GAREM2: variants seen among roughly 807,000 people sequenced by gnomAD.
GAREM2 encodes the protein GRB2-associated and regulator of MAPK protein 2.
A neutral mutation model predicts 55.6 loss-of-function variants in GAREM2; 30 were observed. The observed-to-expected ratio is 0.54, with a 90% confidence interval of 0.40 to 0.73. The LOEUF (loss-of-function observed/expected upper bound fraction) is 0.73. GAREM2 is among the 30% of genes least tolerant of loss of function. GAREM2 has a pLI of 0.00. For missense variants in GAREM2, 1,075 were observed against 1,257.7 expected, an observed-to-expected ratio of 0.85 and a Z score of 2.20; for synonymous variants, 550 against 569.1, an observed-to-expected ratio of 0.97 and a Z score of 0.48.
At position 26,187,683 on chromosome 2, in the gene GAREM2, C is replaced by T. The variant is rs1285626911; in HGVS notation, c.2051C>T (p.Ala684Val). 2 of 1,503,658 alleles carry T rather than the reference C, an allele frequency of 1.3e-6. No homozygotes were observed. The highest frequency in any genetic ancestry group is 2.3e-5 in the Admixed American group (1 of 43,082). 93.1% of individuals were successfully genotyped at this position (1,503,658 alleles called of 1,614,324 possible). Residue 684 changes from alanine to valine, a missense_variant, in exon 6 of 6, where the codon GCC (alanine) becomes GTC (valine). Physicochemically the swap from Ala to Val is moderately conservative, Grantham distance 64 (BLOSUM62 0). Coordinates refer to ENST00000401533, the MANE Select transcript of GAREM2 (RefSeq NM_001168241.2). ...TCAGCTGCTCCCCCCTCCTCCTGCG[C>T]CCCCTCCTCCTCCTCTTCTTCTGAA... is the stretch of plus-strand genomic sequence containing the variant. ...AYSAAPPSSCAPSSSSSSEWQ... is the reference protein window; with the variant it reads ...AYSAAPPSSCVPSSSSSSEWQ...
In GAREM2 at chr2:26,188,170, G is replaced by A; in HGVS notation, c.2538G>A (p.Glu846=). 6.5e-7 allele frequency: 1 copy of A among 1,549,106 alleles called. No homozygotes were observed. Among genetic ancestry groups the A allele is most frequent in the Non-Finnish European group, 8.7e-7 (1 of 1,145,428 alleles). ...IDGSIFVQLS[E]DILADDFHLT... ...GTAGCATCTTTGTGCAGCTCAGTGA[G>A]GACATCCTGGCAGATGACTTCCACC... is the stretch of plus-strand genomic sequence containing the variant. Residue 846 remains glutamate (E), a synonymous_variant, in exon 6 of 6, where the codon GAG becomes GAA. Coordinates refer to ENST00000401533, the MANE Select transcript of GAREM2 (RefSeq NM_001168241.2).
At chr2:26,192,394 T>TA, downstream of GAREM2, 1 of 1,605,598 alleles carries the variant, frequency 6.2e-7, no homozygotes, top group Non-Finnish European at 8.5e-7. Context: ...ACCCTCCTGA[T>TA]AGATGTAAAA....
chr2:26,173,408 C>A, intron 1 of GAREM2, 76 bp downstream of exon 1: 1 of 799,398 alleles, frequency 1.3e-6, no homozygotes, highest in African/African-American at 1.8e-5. Flanking sequence ...CCAGAGGGAT[C>A]GTGAGGAGGG....
intron 2 of GAREM2, chr2:26,182,340 G>A (rs1202610150): frequency 1.3e-6 from 2 of 1,499,218 alleles, no homozygotes; most frequent in East Asian, 2.5e-5. Flanking sequence ...GGGAGAGTAG[G>A]ATTGGATATT....
intron 4 of GAREM2, among the ~76,000 whole-genome samples, chr2:26,185,764 C>T (rs1669231530): frequency 6.6e-6 from 1 of 152,184 alleles, no homozygotes; most frequent in Non-Finnish European, 1.5e-5. Flanking sequence ...GTCAGCATCC[C>T]ATGGAGTCCT....
chr2:26,190,202 T>TACA (rs1260515863), downstream of GAREM2, among the ~76,000 whole-genome samples: 1 of 152,170 alleles, frequency 6.6e-6, no homozygotes, highest in African/African-American at 2.4e-5. Flanking sequence ...ATATTTGAAG[T>TACA]ACAACTGGAG....
At chr2:26,203,862 C>A in the GAREM2 span, among the ~76,000 whole-genome samples, 1 of 152,118 alleles carries the variant, frequency 6.6e-6, no homozygotes, top group Non-Finnish European at 1.5e-5. Flanking sequence ...AAAACGAAGT[C>A]AAAGAAGGAA....
downstream of GAREM2, chr2:26,194,443 G>A (rs989337768): frequency 1.4e-6 from 1 of 736,924 alleles, no homozygotes; most frequent in Admixed American, 2.0e-5. Context: ...GGGCACCAGG[G>A]ACCTTCCTAG....
At chr2:26,195,833 C>T in the GAREM2 span, among the ~76,000 whole-genome samples, 1 of 152,188 alleles carries the variant, frequency 6.6e-6, no homozygotes, top group Non-Finnish European at 1.5e-5. Context: ...CCCAGCCCTA[C>T]TGAATCAGAA....
the GAREM2 span, among the ~76,000 whole-genome samples, chr2:26,197,204 G>C: frequency 6.6e-6 from 1 of 152,194 alleles, no homozygotes; most frequent in East Asian, 1.9e-4. Flanking sequence ...ATAAATTTCT[G>C]GGCATCATTC....
chr2:26,197,739 A>G, the GAREM2 span: 1 of 1,562,712 alleles, frequency 6.4e-7, no homozygotes. Flanking sequence ...TTGGGAGAGC[A>G]GATGTGTTAC....
In GAREM2 at chr2:26,184,599, G is replaced by A. The variant is rs1340794860; in HGVS notation, c.751G>A (p.Glu251Lys). Reference protein sequence around the residue: ...SPLELQMQEGEHTVRAIIERV... With the variant: ...SPLELQMQEGKHTVRAIIERV... ...GCTGGAGCTGCAGATGCAAGAGGGC[G>A]AGCACACGGTGCGCGCCATCATCGA... Residue 251 changes from glutamate (E) to lysine (K), a missense_variant, in exon 4 of 6, where the codon GAG becomes AAG. Around this residue, in one of 6 missense-constraint regions of GAREM2, gnomAD observed 170 missense variants for 220.7 expected, o/e 0.77. Coordinates refer to ENST00000401533, the MANE Select transcript of GAREM2 (RefSeq NM_001168241.2). The A allele has an allele frequency of 6.5e-7, 1 of 1,548,498 alleles. No individual in the cohort carries two copies. The highest frequency in any genetic ancestry group is 8.7e-7 in the Non-Finnish European group (1 of 1,146,212).
chr2:26,194,837 T>C, the GAREM2 span, among the ~76,000 whole-genome samples: 1 of 151,946 alleles, frequency 6.6e-6, no homozygotes, highest in Non-Finnish European at 1.5e-5. Context: ...AATCAAACAG[T>C]ACAGCAGATA....
In GAREM2 at chr2:26,185,012, CG is replaced by C. The variant is rs1226843620; in HGVS notation, c.1167del (p.Leu390SerfsTer8). ...RLCLPAPRAP[G>X]LARAPGPLAP... is the part of the protein sequence containing the mutation. ...TCTGCCTGCCCGCGCCGCGCGCCCC[CG>C]GGCTCGCCCGCGCCCCCGGCCCGCT... On this transcript the variant is annotated frameshift_variant, in exon 4 of 6. Coordinates refer to ENST00000401533, the MANE Select transcript of GAREM2 (RefSeq NM_001168241.2). LOFTEE classifies it high-confidence loss of function. The C allele has an allele frequency of 9.1e-7, 1 of 1,098,020 alleles. No homozygotes were observed. The highest frequency in any genetic ancestry group is 1.7e-5 in the African/African-American group (1 of 59,634). 68.0% of individuals were successfully genotyped at this position (1,098,020 alleles called of 1,614,324 possible).
At chr2:26,191,301 G>T (rs768855989), downstream of GAREM2, 2 of 1,613,306 alleles carry the variant, frequency 1.2e-6, no homozygotes, top group Admixed American at 3.3e-5. Flanking sequence ...CTAGCAGCTG[G>T]CATGGGGTGA....
rs181971256 is a variant in GAREM2, at chr2:26,185,068, A to G, written c.1220A>G (p.Gln407Arg). 0.11 allele frequency: 138,020 copies of G among 1,298,738 alleles called. 8,188 individuals carry two copies. The highest frequency in any genetic ancestry group is 0.12 in the Non-Finnish European group (123,009 of 1,025,172). The allele number at this position is 1,298,738 out of a possible 1,614,324, so 80.5% of individuals were successfully genotyped here. ...CCGGCTCCCGCCGGCGAGGGCGACC[A>G]GGAGTACGTGAGCCCCGACTGGGCA... ...LAPAPAGEGD[Q>R]EYVSPDWAAA... is the part of the protein sequence containing the mutation. Residue 407 changes from glutamine to arginine, a missense_variant, in exon 4 of 6, where the codon CAG (glutamine) becomes CGG (arginine). Around this residue, in one of 6 missense-constraint regions of GAREM2, gnomAD observed 515 missense variants for 501.5 expected, o/e 1.03. Coordinates refer to ENST00000401533, the MANE Select transcript of GAREM2 (RefSeq NM_001168241.2).
intron 1 of GAREM2, 60 bp downstream of exon 1, chr2:26,173,392 C>T: frequency 1.0e-6 from 1 of 1,004,718 alleles, no homozygotes; most frequent in Non-Finnish European, 1.3e-6. Flanking sequence ...GCTCTCCAGC[C>T]AGGGGCCAGA....
Position 26,185,156 on chromosome 2 carries a change from G to A in GAREM2, c.1308G>A (p.Gln436=), listed in dbSNP as rs1400773418. 1.3e-6 allele frequency: 2 copies of A among 1,503,356 alleles called. No homozygotes were observed. Among genetic ancestry groups the A allele is most frequent in the South Asian group, 1.2e-5 (1 of 81,516 alleles). The allele number at this position is 1,503,356 out of a possible 1,614,324, so 93.1% of individuals were successfully genotyped here. A position where few individuals can be genotyped will look rare whatever the true frequency, so the allele number is the denominator to read the frequency against. The stretch of plus-strand genomic sequence containing the variant: ...CCTACGAGGAGTTGTGGGCGCACCA[G>A]GGGCCCGAGGGCCTCGTCCGGCCGC... ...EIPYEELWAH[Q]GPEGLVRPPP... Residue 436 remains glutamine, a synonymous_variant, in exon 4 of 6, where the codon CAG becomes CAA. Transcript: ENST00000401533.
At position 26,188,094 on chromosome 2, in the gene GAREM2, T is replaced by G; in HGVS notation, c.2462T>G (p.Ile821Ser). The G allele has an allele frequency of 1.3e-6, 2 of 1,550,528 alleles. No homozygotes were observed. The highest frequency in any genetic ancestry group is 1.7e-6 in the Non-Finnish European group (2 of 1,146,328). ...GAGGTCTCTCGCAGTCTGCGTTTCA[T>G]CGGGCTCTCAGAGGATGTGGTGAGC... Reference protein sequence around the residue: ...LEEVSRSLRFIGLSEDVVSFF... With the variant: ...LEEVSRSLRFSGLSEDVVSFF... The change falls in exon 6 of 6, where the codon ATC (isoleucine) becomes AGC (serine). Residue 821 changes from isoleucine (I) to serine (S), a missense_variant. Around this residue, in one of 6 missense-constraint regions of GAREM2, gnomAD observed 142 missense variants for 172.3 expected, o/e 0.82. Transcript: ENST00000401533.
Sources: gnomAD v4.1 joint callset for allele counts (sites outside exome capture counted in the v4.1 genomes callset) on GRCh38, gnomAD v4.1.1 for gene constraint, gnomAD v4.1.1 regional missense constraint, MANE v1.5 for transcripts, NCBI Gene and HGNC (gene_info 2026-07-23, HGNC 2026-07-21) for gene names.